The following NKAIN3 variants were observed in gnomAD, a reference collection of about 807,000 sequenced individuals.
The protein encoded by NKAIN3 is sodium/potassium-transporting ATPase subunit beta-1-interacting protein 3.
Under a neutral mutation model 30.2 loss-of-function variants are expected in NKAIN3, and 25 were observed. That is an observed-to-expected ratio of 0.83 (90% CI 0.60 to 1.16). The LOEUF (loss-of-function observed/expected upper bound fraction) is 1.16. NKAIN3 is among the 50% of genes most tolerant of loss of function. The probability of loss-of-function intolerance (pLI) is 0.00; values close to 1 mark genes in which losing one functional copy is unlikely to be tolerated. For missense variants in NKAIN3, 225 were observed against 254.1 expected, an observed-to-expected ratio of 0.89 and a Z score of 0.78; for synonymous variants, 91 against 89.6, an observed-to-expected ratio of 1.02 and a Z score of -0.09.
intron 6 of NKAIN3, among the ~76,000 whole-genome samples, chr8:62,962,897 AT>A (rs893899775): frequency 1.7e-4 from 25 of 148,538 alleles, no homozygotes; most frequent in East Asian, 5.9e-4. Flanking sequence ...TTGTGTCTGA[AT>A]TTTTTTTTTT....
chr8:62,700,811 T>C (rs1814309599), intron 3 of NKAIN3, among the ~76,000 whole-genome samples: 1 of 152,242 alleles, frequency 6.6e-6, no homozygotes, highest in Admixed American at 6.5e-5. Context: ...TTAGACCTTT[T>C]GTTTTATGCA....
chr8:62,539,575 T>TTTTG (rs915019042), intron 1 of NKAIN3, among the ~76,000 whole-genome samples: 72 of 152,168 alleles, frequency 4.7e-4, no homozygotes, highest in South Asian at 4.1e-3. Flanking sequence ...TGGGTGGTGT[T>TTTTG]TTTGTTTGTT....
intron 3 of NKAIN3, among the ~76,000 whole-genome samples, chr8:62,590,416 T>C (rs1041145120): frequency 1.3e-5 from 2 of 151,888 alleles, no homozygotes; most frequent in African/African-American, 4.8e-5. Flanking sequence ...GATTTTATTA[T>C]GCCTCCTGCA....
Position 62,581,883 on chromosome 8 carries a change from C to T in NKAIN3, c.192+2207C>T, listed in dbSNP as rs112917567. 3.0e-3 allele frequency among the ~76,000 whole-genome samples: 38 copies of T among 12,628 alleles called. 7 individuals carry two copies. Among genetic ancestry groups the T allele is most frequent in the African/African-American group, 3.8e-3 (14 of 3,722 alleles). The allele number at this position is 12,628 out of a possible 152,430, so 8.3% of individuals were successfully genotyped here. ...ACCCATCCTCACTCCCTTCCTTCTA[C>T]CCTTCCTCCCTCCCTTCCTTCTTTC... is the stretch of plus-strand genomic sequence containing the variant. On this transcript the variant is annotated intron_variant, in intron 2 of 6. Coordinates refer to ENST00000623646, the MANE Select transcript of NKAIN3 (RefSeq NM_001304533.3).
chr8:62,564,564 A>T (rs1809687782), intron 1 of NKAIN3, among the ~76,000 whole-genome samples: 1 of 151,980 alleles, frequency 6.6e-6, no homozygotes, highest in Admixed American at 6.6e-5. Context: ...ATTCCACCAT[A>T]TGTGTTCTAC....
chr8:62,762,731 A>C (rs763137683), intron 4 of NKAIN3, among the ~76,000 whole-genome samples: 1 of 152,156 alleles, frequency 6.6e-6, no homozygotes, highest in Admixed American at 6.5e-5. Flanking sequence ...ATGTTAGGTA[A>C]AGGAAAAAAG....
intron 3 of NKAIN3, among the ~76,000 whole-genome samples, chr8:62,631,275 G>A (rs1385949575): frequency 1.3e-5 from 2 of 151,966 alleles, no homozygotes; most frequent in African/African-American, 2.4e-5. Flanking sequence ...CCTCGATGTC[G>A]CCTCTGTAAT....
chr8:62,411,960 T>C lies in NKAIN3; in HGVS notation c.54+162833T>C, dbSNP rs192186543. On this transcript the variant is annotated intron_variant, in intron 1 of 6. Transcript: ENST00000623646. The stretch of plus-strand genomic sequence containing the variant: ...GGCTTATGGATTAAAAGAATTAATA[T>C]AGTTAAAATGGCCATATTGCCCAAA... Among the ~76,000 whole-genome samples, 6 of 152,240 alleles carry C rather than the reference T, an allele frequency of 3.9e-5. No homozygotes were observed. In the East Asian group the frequency reaches 9.6e-4, roughly 24 times the overall value.
rs1028272665 is a variant in NKAIN3 at position 62,249,227 on chromosome 8, C to A, written c.54+100C>A. 1.8e-5 allele frequency: 19 copies of A among 1,040,286 alleles called. No individual in the cohort carries two copies. The African/African-American group carries it at 2.5e-4, about 14-fold the overall frequency. The allele number at this position is 1,040,286 out of a possible 1,614,324, so 64.4% of individuals were successfully genotyped here. Reference sequence around the variant, plus strand: ...TCCGCAGCTCCCGGCAAGGGGCGAACGGGTGAACAGGGCGCTCCGCCCGCC... The same window carrying A: ...TCCGCAGCTCCCGGCAAGGGGCGAAAGGGTGAACAGGGCGCTCCGCCCGCC... On this transcript the variant is annotated intron_variant, in intron 1 of 6. Transcript: ENST00000623646.
intron 5 of NKAIN3, among the ~76,000 whole-genome samples, chr8:62,920,047 T>G (rs954121512): frequency 6.6e-6 from 1 of 152,188 alleles, no homozygotes; most frequent in African/African-American, 2.4e-5. Flanking sequence ...TACAACCTGA[T>G]GGAGTTAATA....
At chr8:62,446,753 C>T (rs1236230317) in intron 1 of NKAIN3, among the ~76,000 whole-genome samples, 1 of 150,294 alleles carries the variant, frequency 6.7e-6, no homozygotes, top group African/African-American at 2.4e-5. Flanking sequence ...TTTTATTCAG[C>T]GTGATATCTT....
At chr8:62,369,547 A>G (rs1046782310) in intron 1 of NKAIN3, among the ~76,000 whole-genome samples, 10 of 152,182 alleles carry the variant, frequency 6.6e-5, no homozygotes, top group Middle Eastern at 3.4e-3. Context: ...TCATACTACC[A>G]TCTACAACAC....
intron 1 of NKAIN3, among the ~76,000 whole-genome samples, chr8:62,356,926 A>G (rs1816377654): frequency 6.6e-6 from 1 of 152,130 alleles, no homozygotes; most frequent in Non-Finnish European, 1.5e-5. Context: ...CAGCCTAGGC[A>G]ACATGGCGAA....
chr8:62,881,257 G>T (rs753848726), intron 4 of NKAIN3, among the ~76,000 whole-genome samples: 7 of 152,028 alleles, frequency 4.6e-5, no homozygotes, highest in Non-Finnish European at 8.8e-5. Context: ...TAGTTTCATT[G>T]CCCTAAAAAA....
intron 4 of NKAIN3, among the ~76,000 whole-genome samples, chr8:62,749,084 C>T (rs1032326479): frequency 6.6e-6 from 1 of 151,902 alleles, no homozygotes; most frequent in Admixed American, 6.6e-5. Context: ...TCATCTTGAA[C>T]AATGAAAATG....
intron 3 of NKAIN3, among the ~76,000 whole-genome samples, chr8:62,593,915 G>A (rs1810736517): frequency 1.3e-5 from 2 of 151,978 alleles, no homozygotes; most frequent in Admixed American, 6.6e-5. Context: ...GTTAGGTGGG[G>A]ATCCTCAGTG....
intron 3 of NKAIN3, among the ~76,000 whole-genome samples, chr8:62,721,281 T>C (rs945833408): frequency 1.3e-5 from 2 of 152,220 alleles, no homozygotes; most frequent in African/African-American, 4.8e-5. Flanking sequence ...AGTTTTAAAT[T>C]GAAATTTTTG....
intron 3 of NKAIN3, among the ~76,000 whole-genome samples, chr8:62,598,649 T>C (rs1713428756): frequency 6.6e-6 from 1 of 152,040 alleles, no homozygotes; most frequent in South Asian, 2.1e-4. Flanking sequence ...CCTCCCTCTG[T>C]GTCTGCCTAG....
chr8:62,876,324 T>C (rs189215320), intron 4 of NKAIN3, among the ~76,000 whole-genome samples: 6 of 152,256 alleles, frequency 3.9e-5, no homozygotes, highest in African/African-American at 1.4e-4. Flanking sequence ...TAGATACTGG[T>C]GAGGGTGTGG....
Sources: gnomAD v4.1 joint callset for allele counts (sites outside exome capture counted in the v4.1 genomes callset) on GRCh38, gnomAD v4.1.1 for gene constraint, MANE v1.5 for transcripts, NCBI Gene and HGNC (gene_info 2026-07-23, HGNC 2026-07-21) for gene names.